Variants in AHI1 observed in about 807,000 individuals in gnomAD.
The protein encoded by AHI1 is jouberin.
Under a neutral mutation model 149.3 loss-of-function variants are expected in AHI1, and 123 were observed. The observed-to-expected ratio is 0.82, with a 90% CI of 0.71 to 0.96. The LOEUF (loss-of-function observed/expected upper bound fraction) is 0.96, where lower values mean the gene tolerates loss of function less well. AHI1 is among the 40% of genes least tolerant of loss of function. AHI1 has a pLI of 0.00. For missense variants in AHI1, 1,439 were observed against 1,422.7 expected (o/e 1.01, Z -0.18); for synonymous variants, 475 against 459.8 (o/e 1.03, Z -0.42).
intron 15 of AHI1, among the ~76,000 whole-genome samples, chr6:135,437,782 C>T (rs757826198): frequency 5.9e-5 from 9 of 151,952 alleles, no homozygotes; most frequent in African/African-American, 9.7e-5. Context: ...ATTTTTAGAA[C>T]ACATTCAAGG....
intron 21 of AHI1, 140 bp from the exon 22 acceptor site, chr6:135,405,117 C>T (rs1472133642): frequency 1.5e-6 from 1 of 674,620 alleles, no homozygotes. Context: ...GCCGTTGTCA[C>T]TCTGCATTGT....
chr6:135,478,368 C>T (rs887068949), intron 5 of AHI1, among the ~76,000 whole-genome samples: 1 of 152,092 alleles, frequency 6.6e-6, no homozygotes, highest in African/African-American at 2.4e-5. Flanking sequence ...AGATGAAGAA[C>T]TTATTGGGAA....
At chr6:135,402,094 A>G (rs528805179) in intron 22 of AHI1, among the ~76,000 whole-genome samples, 69 of 152,330 alleles carry the variant, frequency 4.5e-4, no homozygotes, top group African/African-American at 1.6e-3. Context: ...ATTAGTCATA[A>G]AGAAAACACA....
intron 27 of AHI1, among the ~76,000 whole-genome samples, chr6:135,290,815 G>C (rs1473230422): frequency 6.6e-6 from 1 of 151,860 alleles, no homozygotes; most frequent in Admixed American, 6.6e-5. Flanking sequence ...AATTATCTGT[G>C]GACTTACAGA....
At chr6:135,371,231 T>C (rs949887936) in intron 23 of AHI1, among the ~76,000 whole-genome samples, 2 of 152,222 alleles carry the variant, frequency 1.3e-5, no homozygotes, top group East Asian at 1.9e-4. Flanking sequence ...TTCTGTTTCA[T>C]TGAATTGTCA....
At chr6:135,296,319 A>T (rs947100824) in intron 27 of AHI1, among the ~76,000 whole-genome samples, 1 of 152,162 alleles carries the variant, frequency 6.6e-6, no homozygotes, top group African/African-American at 2.4e-5. Context: ...GGTCTCTCTG[A>T]TTCAACCCTT....
rs1195707800 is a variant in AHI1, at chr6:135,364,296, C to T, written c.3110-6109G>A. ...TGCTCCCCACATCTCAGACGATGGG[C>T]GGCCGGGCAGAGACGCTCCTCACTT... On this transcript the variant is annotated intron_variant, in intron 23 of 28. Coordinates refer to ENST00000265602, the MANE Select transcript of AHI1 (RefSeq NM_001134831.2). Among the ~76,000 whole-genome samples, 29 of 150,742 alleles carry T rather than the reference C, an allele frequency of 1.9e-4. No individual in the cohort carries two copies. The Middle Eastern group carries it at 0.01, about 53-fold the overall frequency.
intron 2 of AHI1, among the ~76,000 whole-genome samples, chr6:135,496,619 C>T (rs564043071): frequency 6.6e-6 from 1 of 152,298 alleles, no homozygotes; most frequent in East Asian, 1.9e-4. Context: ...AAATGGATTA[C>T]ATTTCATCTC....
intron 24 of AHI1, among the ~76,000 whole-genome samples, chr6:135,329,627 C>A (rs1447358207): frequency 6.6e-6 from 1 of 152,204 alleles, no homozygotes; most frequent in Admixed American, 6.5e-5. Context: ...CCAGCTACAA[C>A]AACAACCATT....
chr6:135,442,185 GTA>G (rs1786401010), intron 14 of AHI1, among the ~76,000 whole-genome samples: 1 of 152,044 alleles, frequency 6.6e-6, no homozygotes, highest in Non-Finnish European at 1.5e-5. Context: ...TCAATTATTG[GTA>G]TTCCACTACA....
At chr6:135,445,534 C>T (rs1371993473) in intron 13 of AHI1, among the ~76,000 whole-genome samples, 3 of 152,182 alleles carry the variant, frequency 2.0e-5, no homozygotes, top group South Asian at 2.1e-4. Context: ...AAGAGATATA[C>T]ATCTTACAGA....
intron 4 of AHI1, among the ~76,000 whole-genome samples, chr6:135,491,754 G>A (rs554576687): frequency 9.9e-4 from 151 of 152,316 alleles, no homozygotes; most frequent in African/African-American, 3.6e-3. Flanking sequence ...CTGCAGGCTA[G>A]TCACTTGTTT....
chr6:135,315,839 A>C (rs1470805088), intron 26 of AHI1, among the ~76,000 whole-genome samples: 1 of 152,182 alleles, frequency 6.6e-6, no homozygotes, highest in African/African-American at 2.4e-5. Context: ...AGAACATAAA[A>C]ATATCTTTAA....
chr6:135,468,595 G>A (rs143854523), intron 5 of AHI1, among the ~76,000 whole-genome samples: 3,547 of 152,046 alleles, frequency 0.023, 59 homozygotes, highest in Non-Finnish European at 0.033. Flanking sequence ...TCTCAGCTAC[G>A]TGGGAGGCTG....
chr6:135,442,996 T>C (rs1046590528), intron 13 of AHI1, among the ~76,000 whole-genome samples: 2 of 152,214 alleles, frequency 1.3e-5, no homozygotes, highest in African/African-American at 4.8e-5. Flanking sequence ...AAGCCATCAC[T>C]GCCACACTGC....
chr6:135,390,680 G>C (rs1309664246), intron 23 of AHI1, among the ~76,000 whole-genome samples: 2 of 152,102 alleles, frequency 1.3e-5, no homozygotes, highest in African/African-American at 2.4e-5. Flanking sequence ...TAACATGTCA[G>C]CCTCTCTGAT....
At chr6:135,300,891 C>T in intron 26 of AHI1, 1 of 1,017,910 alleles carries the variant, frequency 9.8e-7, no homozygotes, top group Non-Finnish European at 1.2e-6. Context: ...ATTACTTAAG[C>T]TCTAAATATA....
At chr6:135,386,893 G>A (rs1252385411) in intron 23 of AHI1, among the ~76,000 whole-genome samples, 1 of 151,960 alleles carries the variant, frequency 6.6e-6, no homozygotes, top group Non-Finnish European at 1.5e-5. Context: ...GGCCTCCCAA[G>A]GGGATCATAA....
At chr6:135,329,842 TA>T (rs1453189269) in intron 24 of AHI1, among the ~76,000 whole-genome samples, 1 of 152,190 alleles carries the variant, frequency 6.6e-6, no homozygotes, top group African/African-American at 2.4e-5. Flanking sequence ...TTGTCAACAT[TA>T]ACAGGGGTGT....
Sources: allele counts gnomAD v4.1 joint callset (sites outside exome capture counted in the v4.1 genomes callset), GRCh38; gene constraint gnomAD v4.1.1; transcripts MANE v1.5; gene names NCBI Gene and HGNC (gene_info 2026-07-23, HGNC 2026-07-21).